Variants in NBR1 observed in about 807,000 individuals in gnomAD.
NBR1 encodes the protein next to BRCA1 gene 1 protein.
In NBR1, 59 loss-of-function variants were observed where a neutral mutation model predicts 115.5. That is an observed-to-expected ratio of 0.51 (90% confidence interval 0.41 to 0.63). The LOEUF (loss-of-function observed/expected upper bound fraction) is 0.63. Among genes scored for constraint, NBR1 ranks in the 30% least tolerant of loss-of-function variants. NBR1 has a pLI of 0.00. For synonymous variants in NBR1, 373 were observed against 414.7 expected (o/e 0.90, Z 1.22); for missense variants, 1,043 against 1,150.5 (o/e 0.91, Z 1.35).
chr17:43,206,737 G>A (rs935404294), intron 20 of NBR1, among the ~76,000 whole-genome samples: 5 of 151,810 alleles, frequency 3.3e-5, no homozygotes, highest in Admixed American at 3.3e-4. Context: ...AGATGGAAAT[G>A]GCATAACTTT....
At chr17:43,187,513 T>C (rs2056842780) in intron 6 of NBR1, among the ~76,000 whole-genome samples, 1 of 140,550 alleles carries the variant, frequency 7.1e-6, no homozygotes, top group East Asian at 2.1e-4. Flanking sequence ...TTTTTTTTTT[T>C]TTTTTTTTTT....
chr17:43,202,558 C>A, intron 18 of NBR1, 97 bp from the exon 19 acceptor site: 4 of 720,478 alleles, frequency 5.6e-6, no homozygotes, highest in South Asian at 1.9e-5. Flanking sequence ...ACACTGTGAT[C>A]AGATTGCCAC....
intron 13 of NBR1, 103 bp from the exon 14 acceptor site, chr17:43,194,861 G>T: frequency 1.2e-6 from 1 of 843,728 alleles, no homozygotes; most frequent in Admixed American, 2.8e-5. Context: ...GCATGAATTT[G>T]AACAGAGTTG....
chr17:43,196,297 G>A (rs1458766145), intron 14 of NBR1, among the ~76,000 whole-genome samples, 184 bp from the exon 15 acceptor site: 1 of 152,122 alleles, frequency 6.6e-6, no homozygotes, highest in Non-Finnish European at 1.5e-5. Context: ...TGCATTGATT[G>A]ATCTGAGATA....
chr17:43,203,573 A>T, intron 19 of NBR1, 108 bp from the exon 20 acceptor site: 1 of 653,528 alleles, frequency 1.5e-6, no homozygotes, highest in South Asian at 2.1e-5. Flanking sequence ...TTTCCATCTA[A>T]TTTTTTCTCT....
chr17:43,193,741 A>T, intron 12 of NBR1, 103 bp downstream of exon 12: 20 of 1,303,516 alleles, frequency 1.5e-5, no homozygotes, highest in Non-Finnish European at 2.1e-5. Context: ...TTTTCCAGAA[A>T]CCTTGAAAGG....
chr17:43,184,721 A>C (rs919745338), intron 5 of NBR1, among the ~76,000 whole-genome samples: 1 of 152,054 alleles, frequency 6.6e-6, no homozygotes, highest in Non-Finnish European at 1.5e-5. Flanking sequence ...CATATCTTTA[A>C]GTTTCTTGAG....
At chr17:43,188,507 T>C (rs951496639) in intron 6 of NBR1, among the ~76,000 whole-genome samples, 1 of 152,224 alleles carries the variant, frequency 6.6e-6, no homozygotes, top group Non-Finnish European at 1.5e-5. Context: ...CCACTGCTTT[T>C]GGTGTTTTAG....
In NBR1 at chr17:43,210,106, G is replaced by A; in HGVS notation, c.*32G>A. 1 of 1,581,524 alleles carries A rather than the reference G, an allele frequency of 6.3e-7. No homozygotes were observed. Among genetic ancestry groups the A allele is most frequent in the South Asian group, 1.2e-5 (1 of 86,638 alleles). ...ACCTTGTATTAAATAACTGCCTGCT[G>A]CTCAGAGATGATCTTTATTCTGTCA... On this transcript the variant is annotated 3_prime_UTR_variant, in exon 21 of 21. Coordinates refer to ENST00000590996, the MANE Select transcript of NBR1 (RefSeq NM_005899.5).
intron 7 of NBR1, 30 bp downstream of exon 7, chr17:43,189,149 C>G: frequency 6.7e-7 from 1 of 1,483,924 alleles, no homozygotes; most frequent in Non-Finnish European, 9.4e-7. Context: ...TGGGTTTTAA[C>G]TGCGGTGTTG....
chr17:43,203,740 C>A lies in NBR1; in HGVS notation c.2681C>A (p.Ala894Asp). 2 of 1,608,498 alleles carry A rather than the reference C, an allele frequency of 1.2e-6. No homozygotes were observed. Among genetic ancestry groups the A allele is most frequent in the South Asian group, 1.1e-5 (1 of 89,742 alleles). The change falls in exon 20 of 21, where the codon GCC becomes GAC. Residue 894 changes from alanine (A) to aspartate (D), a missense_variant. Transcript: ENST00000590996. ...GTGAAGGGGGCTTTGTCTGTTGCTGCCTCTGCATACAAGGCCCTGTTTGCT... is the reference window on the plus strand; with the variant it reads ...GTGAAGGGGGCTTTGTCTGTTGCTGACTCTGCATACAAGGCCCTGTTTGCT... Reference protein sequence around the residue: ...GLVKGALSVAASAYKALFAGP... With the variant: ...GLVKGALSVADSAYKALFAGP...
chr17:43,203,672 C>A lies in NBR1; in HGVS notation c.2622-9C>A. On this transcript the variant is annotated splice_polypyrimidine_tract_variant and intron_variant, in intron 19 of 20. Coordinates refer to ENST00000590996, the MANE Select transcript of NBR1 (RefSeq NM_005899.5). ...TTGTTTGGGGAGATAATTTGGTTTT[C>A]CTCTGCAGGCACCATCATGGGAGCA... 1 of 1,591,466 alleles carries A rather than the reference C, an allele frequency of 6.3e-7. No homozygotes were observed. Among genetic ancestry groups the A allele is most frequent in the Admixed American group, 1.7e-5 (1 of 57,888 alleles).
intron 1 of NBR1, among the ~76,000 whole-genome samples, chr17:43,171,898 C>T (rs952897172): frequency 6.6e-6 from 1 of 152,134 alleles, no homozygotes. Flanking sequence ...GTGCCTTGGC[C>T]TCCCAAAGTG....
intron 15 of NBR1, 135 bp downstream of exon 15, chr17:43,196,726 C>G (rs2057076415): frequency 1.2e-6 from 1 of 856,994 alleles, no homozygotes; most frequent in Middle Eastern, 3.0e-4. Flanking sequence ...GTTTTGAAGT[C>G]TCCTCACCTT....
chr17:43,203,643 GTGTT>G (rs1339460875), intron 19 of NBR1, 34 bp from the exon 20 acceptor site: 3 of 1,294,698 alleles, frequency 2.3e-6, no homozygotes, highest in East Asian at 2.4e-5. Flanking sequence ...GTAATGATTT[GTGTT>G]TGTTTGGGGA....
intron 20 of NBR1, 174 bp from the exon 21 acceptor site, chr17:43,209,727 C>G: frequency 2.0e-6 from 3 of 1,526,816 alleles, no homozygotes; most frequent in Admixed American, 4.0e-5. Flanking sequence ...CTTCCCAGTC[C>G]GAACCGTTGG....
chr17:43,170,701 T>C (rs2056330735), upstream of NBR1: 1 of 152,338 alleles, frequency 6.6e-6, no homozygotes, highest in South Asian at 2.1e-4. Flanking sequence ...ACACTGTTCC[T>C]TGGAAACTGT....
chr17:43,201,670 T>C lies in NBR1; in HGVS notation c.2469-16T>C. 1 of 1,496,148 alleles carries C rather than the reference T, an allele frequency of 6.7e-7. No individual in the cohort carries two copies. The highest frequency in any genetic ancestry group is 9.3e-7 in the Non-Finnish European group (1 of 1,072,822). 92.7% of individuals were successfully genotyped at this position (1,496,148 alleles called of 1,614,324 possible). On this transcript the variant is annotated splice_polypyrimidine_tract_variant and intron_variant, in intron 17 of 20. Coordinates refer to ENST00000590996, the MANE Select transcript of NBR1 (RefSeq NM_005899.5). Reference sequence around the variant, plus strand: ...TGCCTTTTCAATTTACTTTCCATATTGTGTCTTTCTGAAAGGAGCTCTCCT... The same window carrying C: ...TGCCTTTTCAATTTACTTTCCATATCGTGTCTTTCTGAAAGGAGCTCTCCT...
At chr17:43,183,746 G>A (rs758925922) in intron 5 of NBR1, among the ~76,000 whole-genome samples, 3 of 151,384 alleles carry the variant, frequency 2.0e-5, no homozygotes, top group Non-Finnish European at 4.4e-5. Flanking sequence ...TGCAGCCTCC[G>A]CCTCCTGGAT....
Sources: allele counts gnomAD v4.1 joint callset (sites outside exome capture counted in the v4.1 genomes callset), GRCh38; gene constraint gnomAD v4.1.1; transcripts MANE v1.5; gene names NCBI Gene and HGNC (gene_info 2026-07-23, HGNC 2026-07-21).